NDUFB4: variants seen among roughly 807,000 people sequenced by gnomAD.
The protein encoded by NDUFB4 is NADH dehydrogenase [ubiquinone] 1 beta subcomplex subunit 4.
Under a neutral mutation model 14.5 loss-of-function variants are expected in NDUFB4, and 10 were observed. The ratio of observed to expected loss-of-function variants is 0.69; its 90% CI spans 0.43 to 1.17. The LOEUF is 1.17. Ranked by LOEUF, NDUFB4 falls within the 50% of genes most tolerant of loss-of-function variation. The probability of loss-of-function intolerance (pLI) is 0.00; values close to 1 mark genes in which losing one functional copy is unlikely to be tolerated. For synonymous variants in NDUFB4, 65 were observed against 63.4 expected (o/e 1.03, Z -0.12); for missense variants, 165 against 161.1 (o/e 1.02, Z -0.13).
intron 1 of NDUFB4, among the ~76,000 whole-genome samples, chr3:120,597,470 C>T (rs190815597): frequency 1.3e-4 from 20 of 152,146 alleles, no homozygotes; most frequent in African/African-American, 4.8e-4. Flanking sequence ...CAGGACTGGA[C>T]TTTTCCCACA....
At chr3:120,597,864 A>C (rs1247970506) in intron 1 of NDUFB4, among the ~76,000 whole-genome samples, 3 of 152,146 alleles carry the variant, frequency 2.0e-5, no homozygotes. Context: ...ATTAAAAAAG[A>C]ATAAGGCCTC....
chr3:120,599,306 C>A (rs1255290676), intron 1 of NDUFB4, among the ~76,000 whole-genome samples: 1 of 152,038 alleles, frequency 6.6e-6, no homozygotes, highest in Non-Finnish European at 1.5e-5. Flanking sequence ...GATATTAAGT[C>A]TGGAGAGTTA....
At chr3:120,599,604 T>G (rs1940023703) in intron 1 of NDUFB4, among the ~76,000 whole-genome samples, 1 of 152,086 alleles carries the variant, frequency 6.6e-6, no homozygotes, top group Non-Finnish European at 1.5e-5. Flanking sequence ...GGACTTTTAG[T>G]GATGTCAGAG....
chr3:120,602,444 A>G lies in NDUFB4; in HGVS notation c.*174A>G. On this transcript the variant is annotated 3_prime_UTR_variant, in exon 3 of 3. Transcript: ENST00000184266. ...GGAATCTGCTGTCAGAGTGACAGCAAACATTTGCTGTACATTGAATGAATG... is the reference window on the plus strand; with the variant it reads ...GGAATCTGCTGTCAGAGTGACAGCAGACATTTGCTGTACATTGAATGAATG... 1 of 587,784 alleles carries G rather than the reference A, an allele frequency of 1.7e-6. No homozygotes were observed. The highest frequency in any genetic ancestry group is 2.9e-5 in the East Asian group (1 of 34,492). The allele number at this position is 587,784 out of a possible 1,614,324, so 36.4% of individuals were successfully genotyped here.
chr3:120,601,279 T>G, intron 2 of NDUFB4, 22 bp downstream of exon 2: 1 of 1,612,700 alleles, frequency 6.2e-7, no homozygotes, highest in Non-Finnish European at 8.5e-7. Flanking sequence ...GACCAGATGT[T>G]TAGTATTTGA....
chr3:120,599,167 T>C (rs1940016031), intron 1 of NDUFB4, among the ~76,000 whole-genome samples: 1 of 152,112 alleles, frequency 6.6e-6, no homozygotes, highest in Admixed American at 6.5e-5. Flanking sequence ...GAAGTTGCCT[T>C]TTACTAAGAA....
chr3:120,600,056 C>T (rs1940030789), intron 1 of NDUFB4, among the ~76,000 whole-genome samples: 1 of 147,532 alleles, frequency 6.8e-6, no homozygotes. Context: ...AGTGCTTACA[C>T]CGTTGAGGAA....
At chr3:120,600,128 T>G (rs985117857) in intron 1 of NDUFB4, among the ~76,000 whole-genome samples, 21 of 147,924 alleles carry the variant, frequency 1.4e-4, no homozygotes, top group Non-Finnish European at 1.9e-4. Flanking sequence ...TTTGTTTTTT[T>G]TTTTTTTTAA....
intron 1 of NDUFB4, among the ~76,000 whole-genome samples, chr3:120,598,435 A>G (rs953295870): frequency 1.3e-5 from 2 of 152,162 alleles, no homozygotes; most frequent in Admixed American, 6.5e-5. Context: ...TTACATGCCA[A>G]GATAACAATG....
chr3:120,599,805 C>G (rs1940027244), intron 1 of NDUFB4, among the ~76,000 whole-genome samples: 1 of 152,066 alleles, frequency 6.6e-6, no homozygotes, highest in South Asian at 2.1e-4. Flanking sequence ...GATAGTCATT[C>G]AGATACATTT....
intron 2 of NDUFB4, chr3:120,601,679 G>A: frequency 1.9e-6 from 2 of 1,030,174 alleles, no homozygotes; most frequent in Non-Finnish European, 2.3e-6. Context: ...TATGATTGGA[G>A]AGAAAGTCAA....
chr3:120,600,641 T>C lies in NDUFB4; in HGVS notation c.181-470T>C, dbSNP rs150238571. Among the ~76,000 whole-genome samples, 476 of 152,262 alleles carry C rather than the reference T, an allele frequency of 3.1e-3. 2 individuals carry two copies. Among genetic ancestry groups the C allele is most frequent in the African/African-American group, 0.011 (457 of 41,554 alleles). On this transcript the variant is annotated intron_variant, in intron 1 of 2. Transcript: ENST00000184266. ...TTGTAGCCTGGAAAGACTATTTTGGTGATAGCATTAGAAAGGGTCCTGGAA... is the reference window on the plus strand; with the variant it reads ...TTGTAGCCTGGAAAGACTATTTTGGCGATAGCATTAGAAAGGGTCCTGGAA...
At chr3:120,598,529 T>C (rs1046058830) in intron 1 of NDUFB4, among the ~76,000 whole-genome samples, 1 of 152,034 alleles carries the variant, frequency 6.6e-6, no homozygotes, top group African/African-American at 2.4e-5. Flanking sequence ...AAAATTAAAA[T>C]CATTTAACAT....
chr3:120,596,450 C>A lies in NDUFB4; in HGVS notation c.91C>A (p.Arg31=). Residue 31 remains arginine (R), a synonymous_variant, in exon 1 of 3, where the codon CGG becomes AGG. Transcript: ENST00000184266. ...ATACAACATATCTCCGGAAACCCGG[C>A]GGGCGCAAGCCGAGCGGTTGGCCAT... The part of the protein sequence containing the change: ...AEYNISPETR[R]AQAERLAIRA... 6.2e-7 allele frequency: 1 copy of A among 1,614,020 alleles called. No homozygotes were observed. Among genetic ancestry groups the A allele is most frequent in the Non-Finnish European group, 8.5e-7 (1 of 1,179,986 alleles).
intron 2 of NDUFB4, chr3:120,601,543 T>C: frequency 5.6e-6 from 7 of 1,248,394 alleles, no homozygotes; most frequent in Non-Finnish European, 7.0e-6. Context: ...GTACGTTTCC[T>C]GTTTGCGTGA....
chr3:120,601,916 T>C, intron 2 of NDUFB4: 1 of 1,133,190 alleles, frequency 8.8e-7, no homozygotes, highest in South Asian at 3.1e-5. Context: ...CAATATATGG[T>C]TTTATGGGAT....
chr3:120,597,654 A>G (rs112430289), intron 1 of NDUFB4, among the ~76,000 whole-genome samples: 1 of 152,196 alleles, frequency 6.6e-6, no homozygotes, highest in African/African-American at 2.4e-5. Flanking sequence ...CATGGGAAGG[A>G]CAAGTAGGTC....
chr3:120,599,581 C>G (rs1037208635), intron 1 of NDUFB4, among the ~76,000 whole-genome samples: 1 of 152,154 alleles, frequency 6.6e-6, no homozygotes, highest in Non-Finnish European at 1.5e-5. Context: ...TCAGATGCTA[C>G]TGAGAGTGCA....
Position 120,600,928 on chromosome 3 carries a change from A to G in NDUFB4, c.181-183A>G, listed in dbSNP as rs928237866. The G allele has an allele frequency of 7.0e-6, 4 of 575,358 alleles. No individual in the cohort carries two copies. In the South Asian group the frequency reaches 9.3e-5, roughly 13 times the overall value. 35.6% of individuals were successfully genotyped at this position (575,358 alleles called of 1,614,324 possible). ...TCTGAAGGATTTGAACAAGATCATT[A>G]GAATTCAAAAAACACCAGAAATGAA... is the stretch of plus-strand genomic sequence containing the variant. On this transcript the variant is annotated intron_variant, in intron 1 of 2. Transcript: ENST00000184266.
Sources: allele counts gnomAD v4.1 joint callset (sites outside exome capture counted in the v4.1 genomes callset), GRCh38; gene constraint gnomAD v4.1.1; transcripts MANE v1.5; gene names NCBI Gene and HGNC (gene_info 2026-07-23, HGNC 2026-07-21).